Variants in TRHDE observed in about 807,000 individuals in gnomAD.
TRHDE encodes thyrotropin releasing hormone degrading enzyme.
Under a neutral mutation model 125.7 loss-of-function variants are expected in TRHDE, and 72 were observed. The observed-to-expected ratio is 0.57, with a 90% CI of 0.47 to 0.70. The LOEUF (loss-of-function observed/expected upper bound fraction) is 0.70. TRHDE is among the 30% of genes least tolerant of loss of function. TRHDE has a pLI of 0.00. For missense variants in TRHDE, 1,110 were observed against 1,327.1 expected (o/e 0.84, Z 2.54); for synonymous variants, 509 against 509.1 (o/e 1.00, Z 0.00).
upstream of TRHDE, among the ~76,000 whole-genome samples, chr12:72,269,584 T>C (rs1879146666): frequency 6.6e-6 from 1 of 152,032 alleles, no homozygotes; most frequent in South Asian, 2.1e-4. Flanking sequence ...AGGAAAGAGA[T>C]AACAGACTGA....
intron 6 of TRHDE, among the ~76,000 whole-genome samples, chr12:72,520,358 A>G (rs1349983264): frequency 6.6e-6 from 1 of 152,168 alleles, no homozygotes; most frequent in Non-Finnish European, 1.5e-5. Flanking sequence ...CCATTTTTTA[A>G]GCCCGTCGGA....
intron 3 of TRHDE, among the ~76,000 whole-genome samples, chr12:72,399,866 C>T (rs1872965736): frequency 6.6e-6 from 1 of 151,928 alleles, no homozygotes; most frequent in Non-Finnish European, 1.5e-5. Flanking sequence ...TCTTTATTGC[C>T]TCTGTATCTC....
intron 1 of TRHDE, among the ~76,000 whole-genome samples, chr12:72,093,419 G>A (rs1361716482): frequency 2.0e-5 from 3 of 152,094 alleles, no homozygotes; most frequent in South Asian, 2.1e-4. Context: ...AGCTTTCTGT[G>A]TTTTTCTTCC....
intron 2 of TRHDE, among the ~76,000 whole-genome samples, chr12:72,146,695 G>A (rs377671408): frequency 2.0e-5 from 3 of 152,236 alleles, no homozygotes; most frequent in Non-Finnish European, 4.4e-5. Flanking sequence ...TGCAACTCCC[G>A]TGTTACAAAG....
chr12:72,493,491 A>G (rs1877775415), intron 5 of TRHDE, among the ~76,000 whole-genome samples: 1 of 151,940 alleles, frequency 6.6e-6, no homozygotes, highest in Admixed American at 6.6e-5. Flanking sequence ...TTTGTGCACA[A>G]TTATGCAATG....
At chr12:72,620,670 C>T (rs1038450282) in intron 13 of TRHDE, among the ~76,000 whole-genome samples, 1 of 152,048 alleles carries the variant, frequency 6.6e-6, no homozygotes, top group Admixed American at 6.6e-5. Flanking sequence ...CAATACTAGG[C>T]CATTGGTTGG....
intron 2 of TRHDE, among the ~76,000 whole-genome samples, chr12:72,328,716 T>C (rs767740715): frequency 2.6e-5 from 4 of 152,166 alleles, no homozygotes; most frequent in African/African-American, 7.2e-5. Context: ...AAGACTTGGG[T>C]GAAGTAATTT....
At chr12:72,221,055 G>T (rs535604973) in intron 2 of TRHDE, among the ~76,000 whole-genome samples, 1 of 152,140 alleles carries the variant, frequency 6.6e-6, no homozygotes, top group East Asian at 1.9e-4. Context: ...ATAATTATTT[G>T]CAGAAGATAT....
chr12:72,387,698 G>C (rs1198704051), intron 3 of TRHDE, among the ~76,000 whole-genome samples: 1 of 152,098 alleles, frequency 6.6e-6, no homozygotes, highest in Admixed American at 6.6e-5. Flanking sequence ...GGACCCAGTG[G>C]GAGATGATTG....
chr12:72,498,590 G>A (rs1269082228), intron 5 of TRHDE, among the ~76,000 whole-genome samples: 27 of 152,056 alleles, frequency 1.8e-4, no homozygotes, highest in Admixed American at 1.8e-3. Flanking sequence ...TTCAATGAAG[G>A]CAGGAGGCCA....
At chr12:72,639,097 T>C (rs1159624170) in intron 15 of TRHDE, among the ~76,000 whole-genome samples, 1 of 150,890 alleles carries the variant, frequency 6.6e-6, no homozygotes, top group Non-Finnish European at 1.5e-5. Flanking sequence ...TCCTGCAGAG[T>C]GTTTTCCAAC....
intron 2 of TRHDE, among the ~76,000 whole-genome samples, chr12:72,217,553 G>T (rs1877917718): frequency 2.6e-5 from 4 of 152,106 alleles, no homozygotes; most frequent in Admixed American, 2.6e-4. Flanking sequence ...GGTCTCTGTA[G>T]GTAGAAGTAA....
rs575312519 is a variant in TRHDE at position 72,490,889 on chromosome 12, T to A, written c.1585-8609T>A. Among the ~76,000 whole-genome samples the A allele has an allele frequency of 2.6e-5, 4 of 151,098 alleles. No individual in the cohort carries two copies. The South Asian group carries it at 8.4e-4, about 32-fold the overall frequency. ...AATTAAGTTATGTAGGATGAACAAG[T>A]CTAGAGGTCTAAGATACAATATGAG... On this transcript the variant is annotated intron_variant, in intron 5 of 18. Transcript: ENST00000261180.
chr12:72,413,408 T>C (rs764237797), intron 3 of TRHDE, among the ~76,000 whole-genome samples: 3 of 151,684 alleles, frequency 2.0e-5, no homozygotes, highest in Non-Finnish European at 4.4e-5. Context: ...ATTTCTAAGA[T>C]TCAGTATGAA....
intron 3 of TRHDE, among the ~76,000 whole-genome samples, chr12:72,392,254 A>T (rs1313275078): frequency 2.0e-5 from 3 of 152,172 alleles, no homozygotes; most frequent in Non-Finnish European, 4.4e-5. Flanking sequence ...TAAGGCTTGG[A>T]TCATTTTGCT....
chr12:72,554,958 A>G (rs1252048407), intron 7 of TRHDE, among the ~76,000 whole-genome samples: 3 of 152,184 alleles, frequency 2.0e-5, no homozygotes, highest in Non-Finnish European at 4.4e-5. Flanking sequence ...TAATTACAAC[A>G]TAGGAGATAT....
chr12:72,330,767 G>T (rs1359806684), intron 2 of TRHDE, among the ~76,000 whole-genome samples: 5 of 152,070 alleles, frequency 3.3e-5, no homozygotes, highest in Non-Finnish European at 7.4e-5. Flanking sequence ...ACATTTAGTG[G>T]GTAGTCCCTC....
intron 3 of TRHDE, among the ~76,000 whole-genome samples, chr12:72,450,113 C>A (rs1224664440): frequency 6.6e-6 from 1 of 152,008 alleles, no homozygotes; most frequent in Non-Finnish European, 1.5e-5. Flanking sequence ...AAATATCAGT[C>A]AGATAGGAGG....
At chr12:72,552,562 G>A (rs909533013) in intron 7 of TRHDE, among the ~76,000 whole-genome samples, 25 of 152,114 alleles carry the variant, frequency 1.6e-4, no homozygotes, top group African/African-American at 5.3e-4. Context: ...CAAGGGAATC[G>A]TGTCACAAAT....
Sources: gnomAD v4.1 joint callset for allele counts (sites outside exome capture counted in the v4.1 genomes callset) on GRCh38, gnomAD v4.1.1 for gene constraint, MANE v1.5 for transcripts, NCBI Gene and HGNC (gene_info 2026-07-23, HGNC 2026-07-21) for gene names.